MYOM2: variants seen among roughly 807,000 people sequenced by gnomAD.
MYOM2 encodes the protein myomesin-2.
In MYOM2, 254 loss-of-function variants were observed where a neutral mutation model predicts 187.6. The observed-to-expected ratio is 1.35, with a 90% CI of 1.22 to 1.50. MYOM2 has a LOEUF of 1.50. Ranked by LOEUF, MYOM2 falls within the 40% of genes most tolerant of loss-of-function variation. MYOM2 has a pLI of 0.00. For synonymous variants in MYOM2, 981 were observed against 753.8 expected (o/e 1.30, Z -4.94); for missense variants, 2,796 against 1,924.0 (o/e 1.45, Z -8.48).
At chr8:2,107,581 A>T (rs776716912) in intron 23 of MYOM2, among the ~76,000 whole-genome samples, 7 of 152,100 alleles carry the variant, frequency 4.6e-5, no homozygotes, top group Admixed American at 1.3e-4. Context: ...CGGCTTCTCG[A>T]GTGTGCAGGT....
intron 10 of MYOM2, among the ~76,000 whole-genome samples, chr8:2,075,040 A>G (rs1819370786): frequency 6.6e-6 from 1 of 152,204 alleles, no homozygotes; most frequent in Non-Finnish European, 1.5e-5. Context: ...ATACATCTTC[A>G]TGATTACTTT....
At chr8:2,120,689 A>ATAAATATATATTTATAATAT in intron 28 of MYOM2, among the ~76,000 whole-genome samples, 2 of 42,412 alleles carry the variant, frequency 4.7e-5, no homozygotes, top group Non-Finnish European at 9.3e-5. Context: ...ATTATATATA[A>ATAAATATATATTTATAATAT]ATATATAATA....
At position 2,098,875 on chromosome 8, in the gene MYOM2, G is replaced by A; in HGVS notation, c.2332G>A (p.Gly778Ser). Residue 778 changes from glycine to serine, a missense_variant, in exon 19 of 37, where the codon GGC (glycine) becomes AGC (serine). Transcript: ENST00000262113. ...TILTVDGLTE[G>S]SLYEFKIAAV... Reference sequence around the variant, plus strand: ...TGAATAGGTGGACGGCTTGACGGAAGGCTCACTCTACGAGTTCAAAATCGC... The same window carrying A: ...TGAATAGGTGGACGGCTTGACGGAAAGCTCACTCTACGAGTTCAAAATCGC... The A allele has an allele frequency of 1.2e-6, 2 of 1,612,986 alleles. No individual in the cohort carries two copies. The highest frequency in any genetic ancestry group is 2.2e-5 in the South Asian group (2 of 90,838).
intron 1 of MYOM2, among the ~76,000 whole-genome samples, chr8:2,046,304 C>G (rs150978115): frequency 1.3e-5 from 2 of 152,216 alleles, no homozygotes; most frequent in African/African-American, 4.8e-5. Flanking sequence ...ATATCAGACA[C>G]GTGGTCCCCT....
intron 6 of MYOM2, among the ~76,000 whole-genome samples, chr8:2,063,207 G>A (rs541654390): frequency 1.3e-5 from 2 of 152,342 alleles, no homozygotes; most frequent in South Asian, 2.1e-4. Context: ...TGTCTCAGCT[G>A]TTCATACCAA....
At chr8:2,058,683 G>C (rs1180776005) in intron 5 of MYOM2, among the ~76,000 whole-genome samples, 1 of 152,212 alleles carries the variant, frequency 6.6e-6, no homozygotes, top group Non-Finnish European at 1.5e-5. Context: ...AGGCTTGGGA[G>C]GCTGAGGCTC....
At chr8:2,134,492 A>G (rs149516632) in intron 32 of MYOM2, among the ~76,000 whole-genome samples, 1 of 147,838 alleles carries the variant, frequency 6.8e-6, no homozygotes, top group African/African-American at 2.6e-5. Context: ...GGACTTGGCA[A>G]GTCTCTTGTC....
At chr8:2,052,473 CCTG>C (rs1203872574) in intron 3 of MYOM2, among the ~76,000 whole-genome samples, 160 bp downstream of exon 3, 1 of 152,238 alleles carries the variant, frequency 6.6e-6, no homozygotes, top group Non-Finnish European at 1.5e-5. Context: ...TTCCCAATCA[CCTG>C]CTTCTCTTTA....
Position 2,108,850 on chromosome 8 carries a change from T to C in MYOM2, c.3043+20T>C. The C allele has an allele frequency of 6.2e-7, 1 of 1,612,946 alleles. No homozygotes were observed. Among genetic ancestry groups the C allele is most frequent in the Non-Finnish European group, 8.5e-7 (1 of 1,179,250 alleles). ...ACCCCAGTAAGTAAGCCTCCAGCCC[T>C]TCCCCTCTGCTTGCAGCTGCTGGCT... On this transcript the variant is annotated intron_variant, in intron 24 of 36. Coordinates refer to ENST00000262113, the MANE Select transcript of MYOM2 (RefSeq NM_003970.4).
intron 21 of MYOM2, 25 bp downstream of exon 21, chr8:2,102,806 A>C: frequency 6.4e-7 from 1 of 1,562,466 alleles, no homozygotes; most frequent in Admixed American, 1.7e-5. Flanking sequence ...AAAAACTACA[A>C]AACAGCAATG....
chr8:2,046,380 G>A (rs1818311566), intron 1 of MYOM2, among the ~76,000 whole-genome samples: 1 of 152,180 alleles, frequency 6.6e-6, no homozygotes, highest in Non-Finnish European at 1.5e-5. Context: ...GGAGCATTCC[G>A]GGAGTGGCCG....
intron 14 of MYOM2, among the ~76,000 whole-genome samples, chr8:2,086,183 ACTGTCATGATCTCTGCGTGGCCC>A (rs1796030115): frequency 5.0e-5 from 1 of 19,896 alleles, no homozygotes; most frequent in Non-Finnish European, 1.1e-4. Context: ...GCGTGGCCCC[ACTGTCATGATCTCTGCGTGGCCC>A]CACTGTCATG....
chr8:2,071,094 A>C (rs931870628), intron 8 of MYOM2, among the ~76,000 whole-genome samples: 4 of 151,900 alleles, frequency 2.6e-5, no homozygotes, highest in Admixed American at 6.6e-5. Flanking sequence ...CAACCTCCCA[A>C]ATAGCTGGGA....
At chr8:2,129,308 C>G in intron 32 of MYOM2, 76 bp downstream of exon 32, 1 of 907,784 alleles carries the variant, frequency 1.1e-6, no homozygotes, top group East Asian at 2.5e-5. Flanking sequence ...ACCAGGCGCT[C>G]CCTGGGGAAC....
At chr8:2,122,187 T>C (rs1289018893) in intron 28 of MYOM2, among the ~76,000 whole-genome samples, 3 of 152,148 alleles carry the variant, frequency 2.0e-5, no homozygotes, top group Non-Finnish European at 2.9e-5. Flanking sequence ...AATTTTGAAA[T>C]GTTAAAGTAA....
intron 3 of MYOM2, among the ~76,000 whole-genome samples, chr8:2,055,008 T>TG (rs754645019): frequency 3.9e-4 from 14 of 35,468 alleles, no homozygotes; most frequent in African/African-American, 8.0e-4. Flanking sequence ...ACCTGGATAC[T>TG]GGGGAACCAA....
chr8:2,087,479 T>A (rs1796132697), intron 14 of MYOM2, among the ~76,000 whole-genome samples: 1 of 152,174 alleles, frequency 6.6e-6, no homozygotes, highest in African/African-American at 2.4e-5. Context: ...GGTGACAAAA[T>A]ATAGTTATTT....
At chr8:2,124,967 T>G (rs1240520067) in intron 31 of MYOM2, among the ~76,000 whole-genome samples, 1 of 152,216 alleles carries the variant, frequency 6.6e-6, no homozygotes, top group African/African-American at 2.4e-5. Context: ...GTTCAGTTCC[T>G]TATGGATTTT....
In MYOM2 at chr8:2,096,387, A is replaced by C; in HGVS notation, c.2266A>C (p.Asn756His). 1.9e-6 allele frequency: 3 copies of C among 1,614,200 alleles called. No homozygotes were observed. Among genetic ancestry groups the C allele is most frequent in the Non-Finnish European group, 2.5e-6 (3 of 1,180,042 alleles). ...YLDKREVHHKNWHEVNSSPSK... is the reference protein window; with the variant it reads ...YLDKREVHHKHWHEVNSSPSK... ...GGACAAGCGTGAAGTTCACCATAAA[A>C]ACTGGCACGAGGTCAATTCCTCACC... is the stretch of plus-strand genomic sequence containing the variant. Residue 756 changes from asparagine to histidine, a missense_variant, in exon 18 of 37, where the codon AAC (asparagine) becomes CAC (histidine). Physicochemically the swap from Asn to His is moderately conservative, Grantham distance 68. Coordinates refer to ENST00000262113, the MANE Select transcript of MYOM2 (RefSeq NM_003970.4).
Sources: allele counts gnomAD v4.1 joint callset (sites outside exome capture counted in the v4.1 genomes callset), GRCh38; gene constraint gnomAD v4.1.1; transcripts MANE v1.5; gene names NCBI Gene and HGNC (gene_info 2026-07-23, HGNC 2026-07-21).